ZNF366: variants seen among roughly 807,000 people sequenced by gnomAD.
ZNF366 encodes zinc finger protein 366.
Under a neutral mutation model 47.2 loss-of-function variants are expected in ZNF366, and 20 were observed. The observed-to-expected ratio is 0.42, with a 90% CI of 0.30 to 0.62. ZNF366 has a LOEUF of 0.62. Ranked by LOEUF, ZNF366 falls within the 20% of genes least tolerant of loss-of-function variation. The pLI is 0.16. For synonymous variants in ZNF366, 421 were observed against 395.1 expected, an observed-to-expected ratio of 1.07 and a Z score of -0.78; for missense variants, 987 against 976.3, an observed-to-expected ratio of 1.01 and a Z score of -0.15.
chr5:72,474,056 C>T (rs1276713114), intron 1 of ZNF366, among the ~76,000 whole-genome samples: 2 of 152,152 alleles, frequency 1.3e-5, no homozygotes, highest in African/African-American at 2.4e-5. Context: ...AATTAATTTG[C>T]CATGTGGAGA....
intron 1 of ZNF366, among the ~76,000 whole-genome samples, chr5:72,469,642 A>G (rs1202924276): frequency 6.6e-6 from 1 of 152,214 alleles, no homozygotes; most frequent in Non-Finnish European, 1.5e-5. Flanking sequence ...CAGCAAGAAT[A>G]TTGTGGGGGC....
chr5:72,468,500 A>G (rs1398495429), intron 1 of ZNF366, among the ~76,000 whole-genome samples: 7 of 152,244 alleles, frequency 4.6e-5, no homozygotes, highest in Non-Finnish European at 8.8e-5. Context: ...GTTCCTAAAT[A>G]CAACCAAGAC....
chr5:72,465,511 C>A (rs1743411392), intron 1 of ZNF366, among the ~76,000 whole-genome samples: 1 of 152,188 alleles, frequency 6.6e-6, no homozygotes, highest in African/African-American at 2.4e-5. Context: ...GTACCACCCA[C>A]ATGCTCCGCT....
chr5:72,483,530 C>T (rs1299656336), intron 1 of ZNF366, among the ~76,000 whole-genome samples: 1 of 152,180 alleles, frequency 6.6e-6, no homozygotes, highest in Non-Finnish European at 1.5e-5. Context: ...AAGTAACATT[C>T]TTTGTGCCTG....
chr5:72,466,116 C>T (rs1480016081), intron 1 of ZNF366, among the ~76,000 whole-genome samples: 2 of 152,150 alleles, frequency 1.3e-5, no homozygotes, highest in East Asian at 3.9e-4. Flanking sequence ...GCATCTGGGC[C>T]TCTGCCTTGC....
intron 1 of ZNF366, among the ~76,000 whole-genome samples, chr5:72,470,089 A>G (rs771320798): frequency 6.6e-6 from 1 of 152,216 alleles, no homozygotes; most frequent in South Asian, 2.1e-4. Flanking sequence ...CTATCAGTGG[A>G]CAAGATCATT....
intron 1 of ZNF366, among the ~76,000 whole-genome samples, chr5:72,492,484 A>G (rs1045583361): frequency 1.8e-4 from 27 of 152,332 alleles, no homozygotes; most frequent in African/African-American, 6.5e-4. Flanking sequence ...CAAACAAACA[A>G]CAACAACAAC....
rs1221039852 is a variant in ZNF366, at chr5:72,443,167, T to G, written c.*589A>C. Reference sequence around the variant, plus strand: ...AATCTAAGTATTCTAGGTCACCAGTTTCCCTTAGTCAAAATTATTCTTCTC... The same window carrying G: ...AATCTAAGTATTCTAGGTCACCAGTGTCCCTTAGTCAAAATTATTCTTCTC... On this transcript the variant is annotated 3_prime_UTR_variant, in exon 5 of 5. Transcript: ENST00000318442. The G allele has an allele frequency of 6.6e-6, 1 of 152,260 alleles. No individual in the cohort carries two copies. The highest frequency in any genetic ancestry group is 1.5e-5 in the Non-Finnish European group (1 of 68,096). 9.4% of individuals were successfully genotyped at this position (152,260 alleles called of 1,614,324 possible).
At chr5:72,484,298 A>T (rs1166990164) in intron 1 of ZNF366, among the ~76,000 whole-genome samples, 1 of 151,308 alleles carries the variant, frequency 6.6e-6, no homozygotes, top group Non-Finnish European at 1.5e-5. Flanking sequence ...TCCCGGCTAA[A>T]ACGGTGAAAC....
At chr5:72,449,892 G>T (rs769610920) in intron 3 of ZNF366, among the ~76,000 whole-genome samples, 1 of 152,168 alleles carries the variant, frequency 6.6e-6, no homozygotes, top group African/African-American at 2.4e-5. Flanking sequence ...CATGTAGCGG[G>T]AGAGAAGCTG....
chr5:72,444,895 C>T (rs1341108203), intron 4 of ZNF366, among the ~76,000 whole-genome samples: 1 of 152,212 alleles, frequency 6.6e-6, no homozygotes, highest in Non-Finnish European at 1.5e-5. Flanking sequence ...TTAATGAACA[C>T]TCTCTTTTCA....
At chr5:72,445,598 T>C (rs1742943125) in intron 4 of ZNF366, among the ~76,000 whole-genome samples, 2 of 152,216 alleles carry the variant, frequency 1.3e-5, no homozygotes, top group Admixed American at 6.5e-5. Context: ...AACCCTCTGA[T>C]AGTTATTTTT....
chr5:72,501,294 G>A (rs1744206064), intron 1 of ZNF366, among the ~76,000 whole-genome samples: 1 of 152,134 alleles, frequency 6.6e-6, no homozygotes, highest in African/African-American at 2.4e-5. Flanking sequence ...TAGGAGAATT[G>A]CCCAGTATTC....
At chr5:72,448,804 A>T (rs1481153426) in intron 3 of ZNF366, among the ~76,000 whole-genome samples, 1 of 152,122 alleles carries the variant, frequency 6.6e-6, no homozygotes, top group Non-Finnish European at 1.5e-5. Flanking sequence ...TTGAAAGAGT[A>T]GATAGACCTC....
chr5:72,503,148 G>T (rs1285947632), intron 1 of ZNF366, among the ~76,000 whole-genome samples: 1 of 152,026 alleles, frequency 6.6e-6, no homozygotes, highest in African/African-American at 2.4e-5. Context: ...TATTTATATT[G>T]ATTTATAATG....
intron 1 of ZNF366, among the ~76,000 whole-genome samples, chr5:72,471,462 A>G (rs1743561696): frequency 6.6e-6 from 1 of 152,188 alleles, no homozygotes; most frequent in South Asian, 2.1e-4. Context: ...GCCTAGCTCT[A>G]GAAGGAAATA....
intron 1 of ZNF366, among the ~76,000 whole-genome samples, chr5:72,486,101 T>C (rs769937210): frequency 6.6e-6 from 1 of 152,214 alleles, no homozygotes; most frequent in Non-Finnish European, 1.5e-5. Context: ...CATTGTTCAT[T>C]TTCCTCCACT....
intron 3 of ZNF366, among the ~76,000 whole-genome samples, chr5:72,449,775 A>C (rs1211133883): frequency 6.6e-6 from 1 of 152,224 alleles, no homozygotes; most frequent in Non-Finnish European, 1.5e-5. Flanking sequence ...TATTGGCGTG[A>C]CACATCATAG....
At chr5:72,464,394 TGTTTTTA>T (rs2112331679) in intron 1 of ZNF366, among the ~76,000 whole-genome samples, 1 of 152,366 alleles carries the variant, frequency 6.6e-6, no homozygotes, top group Non-Finnish European at 1.5e-5. Flanking sequence ...TTAATATTTT[TGTTTTTA>T]GTTATGACAT....
Sources: gnomAD v4.1 joint callset for allele counts (sites outside exome capture counted in the v4.1 genomes callset) on GRCh38, gnomAD v4.1.1 for gene constraint, MANE v1.5 for transcripts, NCBI Gene and HGNC (gene_info 2026-07-23, HGNC 2026-07-21) for gene names.